Variants in ESRRB observed in about 807,000 individuals in gnomAD.
ESRRB encodes the protein estrogen related receptor beta, also known as steroid hormone receptor ERR2.
A neutral mutation model predicts 46.0 loss-of-function variants in ESRRB; 16 were observed. The observed-to-expected ratio is 0.35, with a 90% CI of 0.24 to 0.53. The LOEUF is 0.53. Ranked by LOEUF, ESRRB falls within the 20% of genes least tolerant of loss-of-function variation. The pLI is 0.93. For synonymous variants in ESRRB, 246 were observed against 259.6 expected, an observed-to-expected ratio of 0.95 and a Z score of 0.50; for missense variants, 488 against 607.4, an observed-to-expected ratio of 0.80 and a Z score of 2.07.
chr14:76,431,765 A>G lies in ESRRB; in HGVS notation c.51-7576A>G, dbSNP rs1402655017. Among the ~76,000 whole-genome samples, 19 of 152,254 alleles carry G rather than the reference A, an allele frequency of 1.2e-4. No homozygotes were observed. In the East Asian group the frequency reaches 3.5e-3, roughly 28 times the overall value. Reference sequence around the variant, plus strand: ...TTGGATGGGCGTCTGTTCCCTCCCCATGAAGAGTCAATAGTTATCGATCCA... The same window carrying G: ...TTGGATGGGCGTCTGTTCCCTCCCCGTGAAGAGTCAATAGTTATCGATCCA... On this transcript the variant is annotated intron_variant, in intron 1 of 6. Coordinates refer to ENST00000644823, the MANE Select transcript of ESRRB (RefSeq NM_001379180.1).
intron 2 of ESRRB, among the ~76,000 whole-genome samples, chr14:76,461,227 A>C (rs1274429373): frequency 6.6e-6 from 1 of 152,158 alleles, no homozygotes; most frequent in Non-Finnish European, 1.5e-5. Context: ...CTCTGTGTTC[A>C]CACTGCATAG....
At chr14:76,439,989 C>T (rs1238023324) in intron 2 of ESRRB, among the ~76,000 whole-genome samples, 1 of 152,102 alleles carries the variant, frequency 6.6e-6, no homozygotes, top group East Asian at 1.9e-4. Flanking sequence ...ATGCACAGCC[C>T]CAGAAAACCA....
chr14:76,343,809 G>A (rs955758047), intron 1 of ESRRB, among the ~76,000 whole-genome samples: 6 of 152,220 alleles, frequency 3.9e-5, no homozygotes, highest in African/African-American at 1.4e-4. Flanking sequence ...CCAAATTCAA[G>A]GGGACAGAAA....
chr14:76,491,431 C>A lies in ESRRB; in HGVS notation c.851-16C>A, dbSNP rs1449509330. 6.2e-7 allele frequency: 1 copy of A among 1,607,124 alleles called. No homozygotes were observed. Among genetic ancestry groups the A allele is most frequent in the Non-Finnish European group, 8.5e-7 (1 of 1,177,828 alleles). On this transcript the variant is annotated splice_polypyrimidine_tract_variant and intron_variant, in intron 5 of 6. Coordinates refer to ENST00000644823, the MANE Select transcript of ESRRB (RefSeq NM_001379180.1). ...TCCTGACCTGCTGCTGCCCTCTGTG[C>A]CCCCTCTTCCTGCAGGCTTCTCAAG...
chr14:76,397,700 T>C (rs1885752725), intron 1 of ESRRB, among the ~76,000 whole-genome samples: 1 of 152,122 alleles, frequency 6.6e-6, no homozygotes, highest in Non-Finnish European at 1.5e-5. Context: ...AGACCAGGAG[T>C]TCGAGACCAG....
upstream of ESRRB, chr14:76,371,693 A>C (rs933184872): frequency 6.6e-6 from 1 of 152,176 alleles, no homozygotes; most frequent in African/African-American, 2.4e-5. Flanking sequence ...GGCATAAACA[A>C]ACAGTTAGCA....
intron 1 of ESRRB, among the ~76,000 whole-genome samples, chr14:76,415,190 G>A (rs957767085): frequency 3.9e-5 from 6 of 152,162 alleles, no homozygotes; most frequent in Non-Finnish European, 7.3e-5. Flanking sequence ...GCTCAGTGGA[G>A]TTTCAGAGGG....
rs71452810 is a variant in ESRRB, at chr14:76,414,668, T to TAAAAAA, written c.51-24653_51-24648dup. ...TCTGCTGCTGTTTTTGTTTGTTCCT[T>TAAAAAA]AAAAAAAAAAAAAAAAAAAAAAAAA... On this transcript the variant is annotated intron_variant, in intron 1 of 6. Transcript: ENST00000644823. Among the ~76,000 whole-genome samples, 290 of 116,798 alleles carry TAAAAAA rather than the reference T, an allele frequency of 2.5e-3. 4 individuals carry two copies. The highest frequency in any genetic ancestry group is 7.3e-3 in the African/African-American group (244 of 33,204). The allele number at this position is 116,798 out of a possible 152,430, so 76.6% of individuals were successfully genotyped here. A position where few individuals can be genotyped will look rare whatever the true frequency, so the allele number is the denominator to read the frequency against.
At chr14:76,414,815 C>T (rs1886629069) in intron 1 of ESRRB, among the ~76,000 whole-genome samples, 1 of 152,094 alleles carries the variant, frequency 6.6e-6, no homozygotes, top group African/African-American at 2.4e-5. Context: ...TGCCCGTGGC[C>T]TGGAGGTGCA....
chr14:76,452,326 AC>A (rs1250051757), intron 2 of ESRRB, among the ~76,000 whole-genome samples: 1 of 152,056 alleles, frequency 6.6e-6, no homozygotes, highest in Non-Finnish European at 1.5e-5. Context: ...GGCTTGAGGA[AC>A]TTTCAAAAGT....
At chr14:76,323,147 C>T (rs1159898658) in intron 1 of ESRRB, among the ~76,000 whole-genome samples, 1 of 152,132 alleles carries the variant, frequency 6.6e-6, no homozygotes, top group African/African-American at 2.4e-5. Context: ...TTTCTCTATG[C>T]CACAGTGTCA....
At chr14:76,416,865 A>G (rs1886727955) in intron 1 of ESRRB, among the ~76,000 whole-genome samples, 1 of 152,238 alleles carries the variant, frequency 6.6e-6, no homozygotes, top group Non-Finnish European at 1.5e-5. Context: ...CCCTGCCTTC[A>G]GGGAACTTAA....
At chr14:76,388,616 A>G (rs1461432066) in intron 1 of ESRRB, among the ~76,000 whole-genome samples, 1 of 152,150 alleles carries the variant, frequency 6.6e-6, no homozygotes, top group African/African-American at 2.4e-5. Flanking sequence ...AATAAGGTGG[A>G]AGAATTGCTG....
At chr14:76,429,035 G>A (rs1332965755) in intron 1 of ESRRB, among the ~76,000 whole-genome samples, 1 of 152,102 alleles carries the variant, frequency 6.6e-6, no homozygotes, top group East Asian at 1.9e-4. Context: ...GAAAGAGAAA[G>A]AAATCATTAG....
chr14:76,440,907 G>T (rs925486947), intron 2 of ESRRB, among the ~76,000 whole-genome samples: 3 of 152,118 alleles, frequency 2.0e-5, no homozygotes, highest in Non-Finnish European at 4.4e-5. Flanking sequence ...AATCAGCCGG[G>T]TGTAGTGTCA....
chr14:76,449,626 C>T (rs986685370), intron 2 of ESRRB, among the ~76,000 whole-genome samples: 3 of 152,050 alleles, frequency 2.0e-5, no homozygotes, highest in Non-Finnish European at 2.9e-5. Flanking sequence ...GCATTGATTG[C>T]GGTCTTCTTA....
At chr14:76,350,829 C>A (rs1884304785) in intron 1 of ESRRB, among the ~76,000 whole-genome samples, 1 of 152,206 alleles carries the variant, frequency 6.6e-6, no homozygotes, top group African/African-American at 2.4e-5. Context: ...CAGCTTCTCC[C>A]TCTGCCCTGT....
At chr14:76,383,418 C>G (rs79103762) in intron 1 of ESRRB, among the ~76,000 whole-genome samples, 2 of 151,400 alleles carry the variant, frequency 1.3e-5, no homozygotes, top group African/African-American at 4.9e-5. Context: ...GAATCATTGG[C>G]CTTTTGATGT....
intron 6 of ESRRB, among the ~76,000 whole-genome samples, chr14:76,496,415 G>A (rs1890431156): frequency 1.3e-5 from 2 of 152,218 alleles, no homozygotes. Flanking sequence ...AAGAGGGAGT[G>A]TAAACTTCTG....
Sources: allele counts gnomAD v4.1 joint callset (sites outside exome capture counted in the v4.1 genomes callset), GRCh38; gene constraint gnomAD v4.1.1; transcripts MANE v1.5; gene names NCBI Gene and HGNC (gene_info 2026-07-23, HGNC 2026-07-21).